Variants in TANC2 observed in about 807,000 individuals in gnomAD.
The protein encoded by TANC2 is protein TANC2.
In TANC2, 26 loss-of-function variants were observed where a neutral mutation model predicts 210.5. The ratio of observed to expected loss-of-function variants is 0.12; its 90% CI spans 0.09 to 0.17. TANC2 has a LOEUF of 0.17. TANC2 is among the 10% of genes least tolerant of loss of function. The pLI, the probability that TANC2 is intolerant of heterozygous loss-of-function variation, is 1.00. For synonymous variants in TANC2, 931 were observed against 967.1 expected, an observed-to-expected ratio of 0.96 and a Z score of 0.69; for missense variants, 2,129 against 2,608.9, an observed-to-expected ratio of 0.82 and a Z score of 4.01.
At chr17:63,353,195 G>A (rs2046672029) in intron 13 of TANC2, among the ~76,000 whole-genome samples, 1 of 152,068 alleles carries the variant, frequency 6.6e-6, no homozygotes, top group Non-Finnish European at 1.5e-5. Flanking sequence ...ATAATGATGG[G>A]GACCATGTGA....
intron 1 of TANC2, among the ~76,000 whole-genome samples, chr17:62,978,995 A>T (rs923969395): frequency 3.3e-5 from 5 of 152,232 alleles, no homozygotes; most frequent in African/African-American, 4.8e-5. Context: ...TACTTGAATG[A>T]AGATGTCTTT....
At chr17:63,119,220 A>T (rs1397348825) in intron 4 of TANC2, among the ~76,000 whole-genome samples, 1 of 152,212 alleles carries the variant, frequency 6.6e-6, no homozygotes, top group African/African-American at 2.4e-5. Flanking sequence ...TGTGGCTCCC[A>T]GTCTGAGTTG....
At chr17:63,335,718 A>G (rs915948812) in intron 11 of TANC2, among the ~76,000 whole-genome samples, 13 of 152,252 alleles carry the variant, frequency 8.5e-5, no homozygotes, top group Non-Finnish European at 1.6e-4. Flanking sequence ...GGGGTCCTGG[A>G]TAGAATCCAG....
intron 3 of TANC2, among the ~76,000 whole-genome samples, chr17:63,091,471 C>A (rs1296070276): frequency 1.3e-5 from 2 of 152,278 alleles, no homozygotes; most frequent in East Asian, 3.9e-4. Context: ...ATAGGGAATC[C>A]TTCCCCCATT....
intron 4 of TANC2, among the ~76,000 whole-genome samples, chr17:63,110,117 A>G (rs916692203): frequency 8.6e-5 from 13 of 151,310 alleles, no homozygotes; most frequent in Non-Finnish European, 1.5e-4. Context: ...TTCAGTGAGC[A>G]TTTTTTTTCT....
intron 4 of TANC2, among the ~76,000 whole-genome samples, chr17:63,131,624 G>A (rs2038922908): frequency 6.6e-6 from 1 of 151,892 alleles, no homozygotes; most frequent in Admixed American, 6.6e-5. Context: ...AGTATTAACG[G>A]ATATTTAAGT....
chr17:63,256,375 A>G (rs2043195930), intron 8 of TANC2, among the ~76,000 whole-genome samples: 1 of 152,192 alleles, frequency 6.6e-6, no homozygotes, highest in Non-Finnish European at 1.5e-5. Context: ...CATGAGGAGC[A>G]TATTGTTTAA....
intron 8 of TANC2, among the ~76,000 whole-genome samples, chr17:63,256,709 A>G (rs572918447): frequency 2.0e-5 from 3 of 152,146 alleles, no homozygotes; most frequent in Non-Finnish European, 4.4e-5. Flanking sequence ...TCCAGCTATT[A>G]TTGTATTCAA....
At chr17:63,376,602 G>A (rs768724318) in intron 14 of TANC2, among the ~76,000 whole-genome samples, 13 of 152,084 alleles carry the variant, frequency 8.5e-5, no homozygotes, top group Non-Finnish European at 1.9e-4. Context: ...TTTAAAAAGG[G>A]ACTTTAATTT....
chr17:63,127,821 T>C (rs944431837), intron 4 of TANC2, among the ~76,000 whole-genome samples: 9 of 152,226 alleles, frequency 5.9e-5, no homozygotes, highest in African/African-American at 2.2e-4. Flanking sequence ...GTGAGCTAAC[T>C]CTACCAGTTA....
chr17:63,326,680 C>T (rs2045658407), intron 11 of TANC2, among the ~76,000 whole-genome samples: 1 of 151,676 alleles, frequency 6.6e-6, no homozygotes, highest in Non-Finnish European at 1.5e-5. Flanking sequence ...CAGTGAGCCA[C>T]AATCATGCCA....
chr17:62,993,891 G>T (rs915777785), intron 1 of TANC2, among the ~76,000 whole-genome samples: 1 of 152,104 alleles, frequency 6.6e-6, no homozygotes. Context: ...CTCATGCCAC[G>T]CACTGCAGCC....
intron 12 of TANC2, among the ~76,000 whole-genome samples, chr17:63,344,068 G>A (rs1029826574): frequency 1.3e-5 from 2 of 152,192 alleles, no homozygotes; most frequent in African/African-American, 2.4e-5. Context: ...TAGGAACCAG[G>A]CCACACAGCA....
At chr17:63,099,032 T>A in intron 3 of TANC2, 143 bp from the exon 4 acceptor site, 1 of 808,600 alleles carries the variant, frequency 1.2e-6, no homozygotes, top group Middle Eastern at 2.3e-4. Flanking sequence ...ATAGTAAGTG[T>A]AGAAATGAAT....
At chr17:63,255,063 A>T (rs772738092) in intron 8 of TANC2, among the ~76,000 whole-genome samples, 96 of 39,690 alleles carry the variant, frequency 2.4e-3, no homozygotes, top group East Asian at 6.6e-3. Context: ...GTTATTTTTT[A>T]TTTATTTATT....
chr17:63,416,725 G>A (rs2048873185), intron 26 of TANC2, among the ~76,000 whole-genome samples: 1 of 152,220 alleles, frequency 6.6e-6, no homozygotes, highest in Non-Finnish European at 1.5e-5. Context: ...GACCTTCAGA[G>A]GCAGAGTTAA....
chr17:63,252,207 A>G (rs1052658025), intron 8 of TANC2, among the ~76,000 whole-genome samples: 4 of 152,050 alleles, frequency 2.6e-5, no homozygotes, highest in African/African-American at 9.7e-5. Flanking sequence ...TTAAAAATAT[A>G]TCTGTATTAG....
chr17:63,102,892 T>A (rs1485695284), intron 4 of TANC2, among the ~76,000 whole-genome samples: 2 of 152,202 alleles, frequency 1.3e-5, no homozygotes, highest in Non-Finnish European at 1.5e-5. Flanking sequence ...ACATGTAGAT[T>A]TTTTTATAAT....
At chr17:63,205,227 A>T (rs902454798) in intron 7 of TANC2, among the ~76,000 whole-genome samples, 1 of 151,984 alleles carries the variant, frequency 6.6e-6, no homozygotes, top group Non-Finnish European at 1.5e-5. Context: ...GAATATTGAC[A>T]TGCAAAAGAA....
Sources: gnomAD v4.1 joint callset for allele counts (sites outside exome capture counted in the v4.1 genomes callset) on GRCh38, gnomAD v4.1.1 for gene constraint, MANE v1.5 for transcripts, NCBI Gene and HGNC (gene_info 2026-07-23, HGNC 2026-07-21) for gene names.